MMP14: variants seen among roughly 807,000 people sequenced by gnomAD.
MMP14 encodes the protein matrix metalloproteinase-14.
In MMP14, 13 loss-of-function variants were observed where a neutral mutation model predicts 64.8. That is an observed-to-expected ratio of 0.20 (90% CI 0.13 to 0.32). The LOEUF (loss-of-function observed/expected upper bound fraction) is 0.32, where lower values mean the gene tolerates loss of function less well. Ranked by LOEUF, MMP14 falls within the 10% of genes least tolerant of loss-of-function variation. The probability of loss-of-function intolerance (pLI) is 1.00; values close to 1 mark genes in which losing one functional copy is unlikely to be tolerated. For synonymous variants in MMP14, 322 were observed against 315.9 expected, an observed-to-expected ratio of 1.02 and a Z score of -0.20; for missense variants, 594 against 783.8, an observed-to-expected ratio of 0.76 and a Z score of 2.89.
At chr14:22,836,952 G>T (rs770597124) in intron 1 of MMP14, 27 bp downstream of exon 1, 1 of 1,587,434 alleles carries the variant, frequency 6.3e-7, no homozygotes, top group South Asian at 1.1e-5. Flanking sequence ...GCCCTTCCCG[G>T]AGTCGCGCCC....
rs1002046288 is a variant in MMP14 at position 22,842,272 on chromosome 14, C to T, written c.381-138C>T. On this transcript the variant is annotated intron_variant, in intron 3 of 9. Coordinates refer to ENST00000311852, the MANE Select transcript of MMP14 (RefSeq NM_004995.4). The surrounding 1 kb of genome is among the most constrained non-coding windows in gnomAD (Gnocchi z 5.3). The stretch of plus-strand genomic sequence containing the variant: ...TTGTTCTTGAGACAGAGGCGTTGCG[C>T]ATGAGGTAGCAGGAAGAGCTGGGTC... 4 of 1,083,652 alleles carry T rather than the reference C, an allele frequency of 3.7e-6. No individual in the cohort carries two copies. In the African/African-American group the frequency reaches 4.8e-5, roughly 13 times the overall value. 67.1% of individuals were successfully genotyped at this position (1,083,652 alleles called of 1,614,324 possible). A position where few individuals can be genotyped will look rare whatever the true frequency, so the allele number is the denominator to read the frequency against.
chr14:22,843,515 GC>G lies in MMP14; in HGVS notation c.850+102del. 6.8e-7 allele frequency: 1 copy of G among 1,467,052 alleles called. No individual in the cohort carries two copies. The highest frequency in any genetic ancestry group is 9.2e-7 in the Non-Finnish European group (1 of 1,081,220). 90.9% of individuals were successfully genotyped at this position (1,467,052 alleles called of 1,614,324 possible). A position where few individuals can be genotyped will look rare whatever the true frequency, so the allele number is the denominator to read the frequency against. On this transcript the variant is annotated intron_variant, in intron 5 of 9. Transcript: ENST00000311852. This position sits in a 1 kb window ranked among gnomAD's most constrained non-coding sequence, Gnocchi z 4.8. ...TTTTATGCCTTGCAGTCTCCGCACC[GC>G]CCCCTGCCAACCTGCCCCTGCCTCT...
chr14:22,845,338 C>A lies in MMP14; in HGVS notation c.1389C>A (p.Pro463=), dbSNP rs746606080. 3.1e-6 allele frequency: 5 copies of A among 1,611,662 alleles called. No homozygotes were observed. Among genetic ancestry groups the A allele is most frequent in the East Asian group, 2.2e-5 (1 of 44,866 alleles). Residue 463 remains proline (P), a synonymous_variant, in exon 9 of 10, where the codon CCC becomes CCA. Transcript: ENST00000311852. ...IKVWEGIPES[P]RGSFMGSDEV... is the part of the protein sequence containing the mutation. Reference sequence around the variant, plus strand: ...TCTGGGAAGGGATCCCTGAGTCTCCCAGAGGGTCATTCATGGGCAGCGATG... The same window carrying A: ...TCTGGGAAGGGATCCCTGAGTCTCCAAGAGGGTCATTCATGGGCAGCGATG...
In MMP14 at chr14:22,842,079, T is replaced by C. The variant is rs2039776893; in HGVS notation, c.380+44T>C. The C allele has an allele frequency of 6.2e-7, 1 of 1,612,622 alleles. No homozygotes were observed. The highest frequency in any genetic ancestry group is 8.5e-7 in the Non-Finnish European group (1 of 1,178,904). ...CAACCTTTCTCACATCTGGTTATTATTTCCTACCCATTGTGCTTATGCAGG... is the reference window on the plus strand; with the variant it reads ...CAACCTTTCTCACATCTGGTTATTACTTCCTACCCATTGTGCTTATGCAGG... On this transcript the variant is annotated intron_variant, in intron 3 of 9. Coordinates refer to ENST00000311852, the MANE Select transcript of MMP14 (RefSeq NM_004995.4). This position sits in a 1 kb window ranked among gnomAD's most constrained non-coding sequence, Gnocchi z 5.3.
In MMP14 at chr14:22,836,841, C is replaced by T. The variant is rs757696438; in HGVS notation, c.24C>T (p.Pro8=). Residue 8 remains proline (P), a synonymous_variant, in exon 1 of 10, where the codon CCC becomes CCT. Coordinates refer to ENST00000311852, the MANE Select transcript of MMP14 (RefSeq NM_004995.4). MSPAPRP[P]RCLLLPLLTL... ...CCATGTCTCCCGCCCCAAGACCCCC[C>T]CGTTGTCTCCTGCTCCCCCTGCTCA... is the stretch of plus-strand genomic sequence containing the variant. 8.1e-6 allele frequency: 13 copies of T among 1,612,986 alleles called. No homozygotes were observed. The East Asian group carries it at 2.7e-4, about 33-fold the overall frequency.
intron 1 of MMP14, among the ~76,000 whole-genome samples, chr14:22,838,152 G>A (rs2039748344): frequency 6.6e-6 from 1 of 152,224 alleles, no homozygotes; most frequent in Non-Finnish European, 1.5e-5. Context: ...AGACCAGGGA[G>A]AGTAAAAACC....
chr14:22,846,075 A>T lies in MMP14; in HGVS notation c.*36A>T. The T allele has an allele frequency of 6.9e-7, 1 of 1,445,916 alleles. No individual in the cohort carries two copies. The highest frequency in any genetic ancestry group is 9.1e-7 in the Non-Finnish European group (1 of 1,099,518). The allele number at this position is 1,445,916 out of a possible 1,614,324, so 89.6% of individuals were successfully genotyped here. On this transcript the variant is annotated 3_prime_UTR_variant, in exon 10 of 10. Transcript: ENST00000311852. ...CGGCCCGCCCACTCCTACCACAAGG[A>T]CTTTGCCTCTGAAGGCCAGTGGCAG...
Position 22,842,732 on chromosome 14 carries a change from C to G in MMP14, c.688+15C>G, listed in dbSNP as rs373490259. The G allele has an allele frequency of 3.9e-5, 62 of 1,575,234 alleles. No homozygotes were observed. The highest frequency in any genetic ancestry group is 5.2e-5 in the Non-Finnish European group (60 of 1,158,068). On this transcript the variant is annotated intron_variant, in intron 4 of 9. Coordinates refer to ENST00000311852, the MANE Select transcript of MMP14 (RefSeq NM_004995.4). The surrounding 1 kb of genome is among the most constrained non-coding windows in gnomAD (Gnocchi z 5.3). Reference sequence around the variant, plus strand: ...GGATCTGAATGGTGAGCCAAGTATCCCTGGGACTTACTCTGGAAAAAGCCA... The same window carrying G: ...GGATCTGAATGGTGAGCCAAGTATCGCTGGGACTTACTCTGGAAAAAGCCA...
intron 1 of MMP14, among the ~76,000 whole-genome samples, chr14:22,839,950 T>C (rs1388906155): frequency 6.7e-6 from 1 of 149,644 alleles, no homozygotes; most frequent in Non-Finnish European, 1.5e-5. Context: ...ATATATAACT[T>C]GGCTTGTTTT....
intron 1 of MMP14, among the ~76,000 whole-genome samples, chr14:22,840,832 C>A (rs993947134): frequency 6.6e-6 from 1 of 152,124 alleles, no homozygotes; most frequent in African/African-American, 2.4e-5. Flanking sequence ...CTTAAATAGG[C>A]CTTTAGGTTC....
rs1241042978 is a variant in MMP14, at chr14:22,836,695, C to T, written c.-123C>T. Reference sequence around the variant, plus strand: ...CCTTTAACTCCAAGCCGACAGCGGTCTAGGAATTCAAGTTCAGTGCCTACC... The same window carrying T: ...CCTTTAACTCCAAGCCGACAGCGGTTTAGGAATTCAAGTTCAGTGCCTACC... On this transcript the variant is annotated 5_prime_UTR_variant, in exon 1 of 10. Transcript: ENST00000311852. The T allele has an allele frequency of 1.1e-5, 6 of 569,456 alleles. No individual in the cohort carries two copies. Among genetic ancestry groups the T allele is most frequent in the Non-Finnish European group, 1.9e-5 (6 of 324,028 alleles). The allele number at this position is 569,456 out of a possible 1,614,324, so 35.3% of individuals were successfully genotyped here. A position where few individuals can be genotyped will look rare whatever the true frequency, so the allele number is the denominator to read the frequency against.
rs769069897 is a variant in MMP14, at chr14:22,843,382, C to G, written c.814C>G (p.Pro272Ala). The G allele has an allele frequency of 3.1e-6, 5 of 1,613,870 alleles. No homozygotes were observed. The Admixed American group carries it at 6.7e-5, about 22-fold the overall frequency. ...GATGGACACGGAGAATTTTGTGCTG[C>G]CCGATGATGACCGCCGGGGCATCCA... ...QWMDTENFVL[P>A]DDDRRGIQQL... The change falls in exon 5 of 10, where the codon CCC (proline) becomes GCC (alanine). Residue 272 changes from proline to alanine, a missense_variant. Coordinates refer to ENST00000311852, the MANE Select transcript of MMP14 (RefSeq NM_004995.4). The surrounding 1 kb of genome is among the most constrained non-coding windows in gnomAD (Gnocchi z 4.8).
chr14:22,842,803 C>T lies in MMP14; in HGVS notation c.688+86C>T, dbSNP rs548838130. 53 of 1,418,554 alleles carry T rather than the reference C, an allele frequency of 3.7e-5. No individual in the cohort carries two copies. Among genetic ancestry groups the T allele is most frequent in the South Asian group, 1.1e-4 (8 of 73,116 alleles). The allele number at this position is 1,418,554 out of a possible 1,614,324, so 87.9% of individuals were successfully genotyped here. A position where few individuals can be genotyped will look rare whatever the true frequency, so the allele number is the denominator to read the frequency against. On this transcript the variant is annotated intron_variant, in intron 4 of 9. Coordinates refer to ENST00000311852, the MANE Select transcript of MMP14 (RefSeq NM_004995.4). The surrounding 1 kb of genome is among the most constrained non-coding windows in gnomAD (Gnocchi z 5.3). The stretch of plus-strand genomic sequence containing the variant: ...TTCCCCTCCCTCCTTCCAAAATCTC[C>T]GGGCTAGAAGGGACCACAGAGACCT...
chr14:22,841,995 A>C lies in MMP14; in HGVS notation c.340A>C (p.Ile114Leu). ...CAATGTTCGAAGGAAGCGCTACGCC[A>C]TCCAGGGTCTCAAATGGCAACATAA... ...KANVRRKRYA[I>L]QGLKWQHNEI... Residue 114 changes from isoleucine (I) to leucine (L), a missense_variant, in exon 3 of 10, where the codon ATC (isoleucine) becomes CTC (leucine). Coordinates refer to ENST00000311852, the MANE Select transcript of MMP14 (RefSeq NM_004995.4). 1 of 1,614,254 alleles carries C rather than the reference A, an allele frequency of 6.2e-7. No individual in the cohort carries two copies. The highest frequency in any genetic ancestry group is 8.5e-7 in the Non-Finnish European group (1 of 1,180,054).
At position 22,842,430 on chromosome 14, in the gene MMP14, A is replaced by G. The variant is rs2039779557; in HGVS notation, c.401A>G (p.Lys134Arg). The G allele has an allele frequency of 6.2e-7, 1 of 1,612,916 alleles. No homozygotes were observed. Among genetic ancestry groups the G allele is most frequent in the African/African-American group, 1.3e-5 (1 of 74,898 alleles). ...CTCAGCATCCAGAATTACACCCCCAAGGTGGGCGAGTATGCCACATACGAG... is the reference window on the plus strand; with the variant it reads ...CTCAGCATCCAGAATTACACCCCCAGGGTGGGCGAGTATGCCACATACGAG... ...ITFCIQNYTPKVGEYATYEAI... is the reference protein window; with the variant it reads ...ITFCIQNYTPRVGEYATYEAI... Residue 134 changes from lysine to arginine, a missense_variant, in exon 4 of 10, where the codon AAG becomes AGG. Coordinates refer to ENST00000311852, the MANE Select transcript of MMP14 (RefSeq NM_004995.4). The surrounding 1 kb of genome is among the most constrained non-coding windows in gnomAD (Gnocchi z 5.3).
rs1337771342 is a variant in MMP14, at chr14:22,836,848, C to A, written c.31C>A (p.Leu11Ile). 6.2e-7 allele frequency: 1 copy of A among 1,613,232 alleles called. No homozygotes were observed. Among genetic ancestry groups the A allele is most frequent in the Admixed American group, 1.7e-5 (1 of 59,994 alleles). MSPAPRPPRC[L>I]LLPLLTLGTA... Reference sequence around the variant, plus strand: ...TCCCGCCCCAAGACCCCCCCGTTGTCTCCTGCTCCCCCTGCTCACGCTCGG... The same window carrying A: ...TCCCGCCCCAAGACCCCCCCGTTGTATCCTGCTCCCCCTGCTCACGCTCGG... The change falls in exon 1 of 10, where the codon CTC (leucine) becomes ATC (isoleucine). Residue 11 changes from leucine (L) to isoleucine (I), a missense_variant. Leu to Ile is a conservative substitution (Grantham distance 5). Around this residue, in one of 4 missense-constraint regions of MMP14, gnomAD observed 45 missense variants for 48.8 expected, o/e 0.92. Coordinates refer to ENST00000311852, the MANE Select transcript of MMP14 (RefSeq NM_004995.4).
chr14:22,842,695 T>TTGACA lies in MMP14; in HGVS notation c.666_667insTGACA (p.Val223Ter). The TTGACA allele has an allele frequency of 6.2e-7, 1 of 1,605,776 alleles. No homozygotes were observed. The highest frequency in any genetic ancestry group is 8.5e-7 in the Non-Finnish European group (1 of 1,174,216). ...ACTTTGACTCTGCCGAGCCTTGGAC[T>TTGACA]GTCAGGAATGAGGATCTGAATGGTG... On this transcript the variant is annotated stop_gained and frameshift_variant, in exon 4 of 10. Coordinates refer to ENST00000311852, the MANE Select transcript of MMP14 (RefSeq NM_004995.4). LOFTEE classifies it high-confidence loss of function. The surrounding 1 kb of genome is among the most constrained non-coding windows in gnomAD (Gnocchi z 5.3).
chr14:22,838,956 G>A (rs17880697), intron 1 of MMP14, among the ~76,000 whole-genome samples: 2,520 of 152,272 alleles, frequency 0.017, 72 homozygotes, highest in African/African-American at 0.058. Flanking sequence ...TCTCCCGAGG[G>A]TATGGGGTGG....
chr14:22,843,524 C>A lies in MMP14; in HGVS notation c.850+106C>A. On this transcript the variant is annotated intron_variant, in intron 5 of 9. Coordinates refer to ENST00000311852, the MANE Select transcript of MMP14 (RefSeq NM_004995.4). The surrounding 1 kb of genome is among the most constrained non-coding windows in gnomAD (Gnocchi z 4.8). ...TTGCAGTCTCCGCACCGCCCCCTGC[C>A]AACCTGCCCCTGCCTCTATCAGCTC... is the stretch of plus-strand genomic sequence containing the variant. 1 of 1,439,734 alleles carries A rather than the reference C, an allele frequency of 6.9e-7. No homozygotes were observed. The highest frequency in any genetic ancestry group is 1.3e-5 in the South Asian group (1 of 77,770). 89.2% of individuals were successfully genotyped at this position (1,439,734 alleles called of 1,614,324 possible). A position where few individuals can be genotyped will look rare whatever the true frequency, so the allele number is the denominator to read the frequency against.
Sources: gnomAD v4.1 joint callset for allele counts (sites outside exome capture counted in the v4.1 genomes callset) on GRCh38, gnomAD v4.1.1 for gene constraint, gnomAD v4.1.1 regional missense constraint, Gnocchi (gnomAD v3.1) non-coding constraint, MANE v1.5 for transcripts, NCBI Gene and HGNC (gene_info 2026-07-23, HGNC 2026-07-21) for gene names.